GADL1: variants seen among roughly 807,000 people sequenced by gnomAD.
GADL1 encodes acidic amino acid decarboxylase GADL1.
Under a neutral mutation model 69.5 loss-of-function variants are expected in GADL1, and 71 were observed. That is an observed-to-expected ratio of 1.02 (90% CI 0.84 to 1.25). The LOEUF is 1.25. Among genes scored for constraint, GADL1 ranks in the 50% most tolerant of loss-of-function variants. The pLI is 0.00. For missense variants in GADL1, 737 were observed against 631.8 expected (o/e 1.17, Z -1.79); for synonymous variants, 254 against 214.4 (o/e 1.18, Z -1.62).
chr3:30,850,121 CAA>C lies in GADL1; in HGVS notation c.536-12_536-11del. 26 of 1,457,706 alleles carry C rather than the reference CAA, an allele frequency of 1.8e-5. No individual in the cohort carries two copies. Among genetic ancestry groups the C allele is most frequent in the Non-Finnish European group, 2.4e-5 (25 of 1,039,482 alleles). The allele number at this position is 1,457,706 out of a possible 1,614,324, so 90.3% of individuals were successfully genotyped here. On this transcript the variant is annotated splice_polypyrimidine_tract_variant and intron_variant, in intron 5 of 14. Transcript: ENST00000282538. ...TTGGACACTGAGCCACCTGCAAAAA[CAA>C]AATTAAAATGGCATATTTATAGCAT...
intron 1 of GADL1, among the ~76,000 whole-genome samples, chr3:30,870,149 T>G (rs1698460490): frequency 6.6e-6 from 1 of 151,860 alleles, no homozygotes; most frequent in Non-Finnish European, 1.5e-5. Context: ...GGATAATATA[T>G]GCAGTTAAGA....
chr3:30,804,784 G>T (rs1478239085), intron 11 of GADL1, among the ~76,000 whole-genome samples: 1 of 152,172 alleles, frequency 6.6e-6, no homozygotes, highest in East Asian at 1.9e-4. Flanking sequence ...AACAAAGTCT[G>T]TTTTTACTAC....
intron 1 of GADL1, among the ~76,000 whole-genome samples, chr3:30,889,736 AGAG>A (rs1698762007): frequency 6.6e-6 from 1 of 152,230 alleles, no homozygotes; most frequent in Non-Finnish European, 1.5e-5. Context: ...AAAAAGAGTT[AGAG>A]GAGGGCAAAT....
In GADL1 at chr3:30,759,817, T is replaced by C. The variant is rs192642764; in HGVS notation, c.1392+18362A>G. Among the ~76,000 whole-genome samples, 7 of 152,318 alleles carry C rather than the reference T, an allele frequency of 4.6e-5. No individual in the cohort carries two copies. The East Asian group carries it at 1.4e-3, about 29-fold the overall frequency. ...GCATAGTCTCCAATATCTTTTAAGG[T>C]TGGGCTTAGTTATGAGATTCACTAT... On this transcript the variant is annotated intron_variant, in intron 14 of 14. Transcript: ENST00000282538.
At chr3:30,778,414 T>G in intron 13 of GADL1, 146 bp from the exon 14 acceptor site, 2 of 599,380 alleles carry the variant, frequency 3.3e-6, no homozygotes, top group South Asian at 2.4e-5. Context: ...TAACAATCCC[T>G]TCTGCCTTCT....
intron 14 of GADL1, among the ~76,000 whole-genome samples, chr3:30,758,075 C>A (rs1218121240): frequency 6.6e-6 from 1 of 152,180 alleles, no homozygotes; most frequent in East Asian, 1.9e-4. Flanking sequence ...GCCCCAAAAG[C>A]TTCATAGCTT....
intron 6 of GADL1, among the ~76,000 whole-genome samples, chr3:30,846,534 G>T (rs373228320): frequency 7.3e-5 from 11 of 151,718 alleles, no homozygotes; most frequent in East Asian, 3.9e-4. Flanking sequence ...TCTCAAGTTA[G>T]CTGGTAGAGA....
chr3:30,857,196 G>C, intron 2 of GADL1, 55 bp from the exon 3 acceptor site: 1 of 1,504,382 alleles, frequency 6.6e-7, no homozygotes, highest in Non-Finnish European at 9.0e-7. Context: ...GGTATTGAGA[G>C]GATGTTACAA....
At chr3:30,780,482 A>G (rs1018667112) in intron 13 of GADL1, among the ~76,000 whole-genome samples, 2 of 152,100 alleles carry the variant, frequency 1.3e-5, no homozygotes, top group African/African-American at 4.8e-5. Context: ...CTATGAGGCA[A>G]TCCTCCATTA....
At chr3:30,734,615 A>T (rs1394231853) in intron 14 of GADL1, among the ~76,000 whole-genome samples, 1 of 152,150 alleles carries the variant, frequency 6.6e-6, no homozygotes, top group East Asian at 1.9e-4. Context: ...AGTCTTATAT[A>T]AAAAAATTTT....
Position 30,805,734 on chromosome 3 carries a change from C to CTTTTTTTTTTTT in GADL1, c.1051-4658_1051-4647dup, listed in dbSNP as rs34788058. Among the ~76,000 whole-genome samples, 23 of 66,092 alleles carry CTTTTTTTTTTTT rather than the reference C, an allele frequency of 3.5e-4. 2 individuals carry two copies. Among genetic ancestry groups the CTTTTTTTTTTTT allele is most frequent in the African/African-American group, 1.9e-3 (22 of 11,836 alleles). 43.4% of individuals were successfully genotyped at this position (66,092 alleles called of 152,430 possible). On this transcript the variant is annotated intron_variant, in intron 11 of 14. Coordinates refer to ENST00000282538, the MANE Select transcript of GADL1 (RefSeq NM_207359.3). The stretch of plus-strand genomic sequence containing the variant: ...ATTCTGTGCACCAGCAGTCCCCAGC[C>CTTTTTTTTTTTT]TTTTTTTTTTTTTTTTTTTTTTTTG...
chr3:30,732,828 C>T (rs1439590240), intron 14 of GADL1, among the ~76,000 whole-genome samples: 4 of 152,130 alleles, frequency 2.6e-5, no homozygotes, highest in Non-Finnish European at 4.4e-5. Flanking sequence ...GACGCCAAGG[C>T]GGGCAGATCA....
chr3:30,767,364 G>A (rs1696306039), intron 14 of GADL1, among the ~76,000 whole-genome samples: 1 of 152,132 alleles, frequency 6.6e-6, no homozygotes, highest in Non-Finnish European at 1.5e-5. Flanking sequence ...GCAGATTTGA[G>A]AACCTATCGT....
At chr3:30,788,215 TAATC>T (rs1383230515) in intron 12 of GADL1, among the ~76,000 whole-genome samples, 1 of 152,148 alleles carries the variant, frequency 6.6e-6, no homozygotes, top group Non-Finnish European at 1.5e-5. Flanking sequence ...AAATCAGTAA[TAATC>T]AAAGAAGTGC....
At chr3:30,785,783 T>C (rs1055061757) in intron 13 of GADL1, among the ~76,000 whole-genome samples, 3 of 151,898 alleles carry the variant, frequency 2.0e-5, no homozygotes, top group African/African-American at 7.3e-5. Flanking sequence ...ATCTAAGAAG[T>C]TTGCAATTTA....
intron 11 of GADL1, 44 bp from the exon 12 acceptor site, chr3:30,801,132 T>C (rs1311780302): frequency 2.0e-6 from 3 of 1,485,162 alleles, no homozygotes; most frequent in East Asian, 2.3e-5. Context: ...CTTTAGAATA[T>C]AACTTGATTT....
At chr3:30,787,390 C>T (rs919509093) in intron 12 of GADL1, among the ~76,000 whole-genome samples, 1 of 152,090 alleles carries the variant, frequency 6.6e-6, no homozygotes, top group African/African-American at 2.4e-5. Flanking sequence ...ATATTGACTC[C>T]TCTCTTCTAG....
chr3:30,770,847 A>G (rs1232205500), intron 14 of GADL1, among the ~76,000 whole-genome samples: 1 of 152,162 alleles, frequency 6.6e-6, no homozygotes, highest in African/African-American at 2.4e-5. Context: ...CAAGGAAAGA[A>G]AAAAAAATTT....
intron 4 of GADL1, 87 bp downstream of exon 4, chr3:30,854,612 T>A: frequency 1.3e-6 from 1 of 788,480 alleles, no homozygotes; most frequent in Non-Finnish European, 2.1e-6. Flanking sequence ...AAAGAAACCA[T>A]TAAATAGAGA....
Sources: gnomAD v4.1 joint callset for allele counts (sites outside exome capture counted in the v4.1 genomes callset) on GRCh38, gnomAD v4.1.1 for gene constraint, MANE v1.5 for transcripts, NCBI Gene and HGNC (gene_info 2026-07-23, HGNC 2026-07-21) for gene names.